CFAP221: variants seen among roughly 807,000 people sequenced by gnomAD.
CFAP221 encodes cilia and flagella associated protein 221.
Under a neutral mutation model 113.1 loss-of-function variants are expected in CFAP221, and 97 were observed. The observed-to-expected ratio is 0.86, with a 90% confidence interval of 0.73 to 1.02. The LOEUF (loss-of-function observed/expected upper bound fraction) is 1.02, where lower values mean the gene tolerates loss of function less well. Among genes scored for constraint, CFAP221 ranks in the 50% least tolerant of loss-of-function variants. The probability of loss-of-function intolerance (pLI) is 0.00; values close to 1 mark genes in which losing one functional copy is unlikely to be tolerated. For synonymous variants in CFAP221, 331 were observed against 354.4 expected (o/e 0.93, Z 0.74); for missense variants, 1,025 against 1,013.4 (o/e 1.01, Z -0.16).
chr2:119,643,084 C>T (rs1687593276), intron 21 of CFAP221, among the ~76,000 whole-genome samples: 1 of 152,164 alleles, frequency 6.6e-6, no homozygotes, highest in South Asian at 2.1e-4. Flanking sequence ...AGCCACTGCA[C>T]CTGGCCTGGG....
chr2:119,652,156 G>A, intron 23 of CFAP221, 87 bp downstream of exon 23: 1 of 982,416 alleles, frequency 1.0e-6, no homozygotes, highest in Non-Finnish European at 1.5e-6. Context: ...TGTTGTCTGA[G>A]TCTAAATAGC....
Position 119,554,903 on chromosome 2 carries a change from A to C in CFAP221, c.241-4786A>C, listed in dbSNP as rs187408418. 1.2e-3 allele frequency among the ~76,000 whole-genome samples: 181 copies of C among 152,230 alleles called. 1 individual carries two copies. Among genetic ancestry groups the C allele is most frequent in the African/African-American group, 4.0e-3 (168 of 41,540 alleles). ...CTTCTTTGAGAAGCTGTGTCACTGA[A>C]CTTGCAGGCCAAAGTGTTGTGTTTG... On this transcript the variant is annotated intron_variant, in intron 3 of 23. Coordinates refer to ENST00000413369, the MANE Select transcript of CFAP221 (RefSeq NM_001271049.2).
chr2:119,560,369 T>A (rs985984251), intron 5 of CFAP221, among the ~76,000 whole-genome samples: 3 of 152,230 alleles, frequency 2.0e-5, no homozygotes, highest in Non-Finnish European at 4.4e-5. Flanking sequence ...CCTTAAATGC[T>A]AGGTTGAAAA....
chr2:119,619,822 A>T (rs550433913), intron 14 of CFAP221, among the ~76,000 whole-genome samples: 301 of 152,316 alleles, frequency 2.0e-3, no homozygotes, highest in African/African-American at 6.9e-3. Flanking sequence ...CAACCCAATG[A>T]AAGAAAGCTA....
At position 119,608,554 on chromosome 2, in the gene CFAP221, A is replaced by G. The variant is rs755622064; in HGVS notation, c.1186A>G (p.Thr396Ala). ...GTCTTTTAAACTTAAAAAAGAGCTTACTGAAGAGTGGCAAAAAGCATGTGC... is the reference window on the plus strand; with the variant it reads ...GTCTTTTAAACTTAAAAAAGAGCTTGCTGAAGAGTGGCAAAAAGCATGTGC... ...PMSFKLKKEL[T>A]EEWQKACAKY... The change falls in exon 12 of 24, where the codon ACT (threonine) becomes GCT (alanine). Residue 396 changes from threonine (T) to alanine (A), a missense_variant. Transcript: ENST00000413369. 6.2e-7 allele frequency: 1 copy of G among 1,613,238 alleles called. No individual in the cohort carries two copies. The highest frequency in any genetic ancestry group is 1.3e-5 in the African/African-American group (1 of 74,742).
intron 22 of CFAP221, among the ~76,000 whole-genome samples, chr2:119,651,272 C>T (rs1339664045): frequency 2.0e-5 from 3 of 152,102 alleles, no homozygotes; most frequent in African/African-American, 7.2e-5. Flanking sequence ...GACTATAGCT[C>T]GGAACCAAAT....
intron 23 of CFAP221, among the ~76,000 whole-genome samples, chr2:119,653,368 A>C (rs1688241972): frequency 6.6e-6 from 1 of 152,214 alleles, no homozygotes; most frequent in Admixed American, 6.5e-5. Flanking sequence ...TGACAAGAGC[A>C]AAACTCCATC....
intron 12 of CFAP221, among the ~76,000 whole-genome samples, chr2:119,610,292 G>T (rs1685061650): frequency 6.6e-6 from 1 of 152,106 alleles, no homozygotes; most frequent in Non-Finnish European, 1.5e-5. Context: ...TGTGTCCAGG[G>T]GATTTTATCT....
chr2:119,655,213 G>A (rs2104825282), intron 23 of CFAP221, among the ~76,000 whole-genome samples: 2 of 152,292 alleles, frequency 1.3e-5, no homozygotes, highest in South Asian at 2.1e-4. Context: ...CCTGGACAGC[G>A]GTCTTGGCCC....
At position 119,640,533 on chromosome 2, in the gene CFAP221, C is replaced by T. The variant is rs185412477; in HGVS notation, c.2225+661C>T. On this transcript the variant is annotated intron_variant, in intron 21 of 23. Coordinates refer to ENST00000413369, the MANE Select transcript of CFAP221 (RefSeq NM_001271049.2). Reference sequence around the variant, plus strand: ...GACTCTGCCTGGCCAATCGCTGACTCCTGAGCCCTTGAATTCGCTTCTTCA... The same window carrying T: ...GACTCTGCCTGGCCAATCGCTGACTTCTGAGCCCTTGAATTCGCTTCTTCA... Among the ~76,000 whole-genome samples the T allele has an allele frequency of 4.6e-5, 7 of 152,332 alleles. No homozygotes were observed. The East Asian group carries it at 1.3e-3, about 29-fold the overall frequency.
chr2:119,558,179 G>T (rs1158820254), intron 3 of CFAP221, among the ~76,000 whole-genome samples: 1 of 152,160 alleles, frequency 6.6e-6, no homozygotes, highest in Non-Finnish European at 1.5e-5. Flanking sequence ...CCAATGAGAA[G>T]CATGGGGACA....
chr2:119,611,550 G>T, intron 12 of CFAP221, 103 bp from the exon 13 acceptor site: 1 of 918,114 alleles, frequency 1.1e-6, no homozygotes, highest in Non-Finnish European at 1.7e-6. Context: ...GAACGTCGTG[G>T]GTGGATTTGG....
chr2:119,568,354 G>T (rs983210802), intron 6 of CFAP221, among the ~76,000 whole-genome samples: 1 of 151,750 alleles, frequency 6.6e-6, no homozygotes. Context: ...TTAAGTTCTG[G>T]GATACATGTG....
Position 119,639,890 on chromosome 2 carries a change from G to C in CFAP221, c.2225+18G>C. On this transcript the variant is annotated intron_variant, in intron 21 of 23. Coordinates refer to ENST00000413369, the MANE Select transcript of CFAP221 (RefSeq NM_001271049.2). ...ACAAAGAGGTAAGCACAGCTCATCT[G>C]TTTGCTCACGAGTATGTGTGCCCCA... 1 of 1,601,448 alleles carries C rather than the reference G, an allele frequency of 6.2e-7. No homozygotes were observed. The highest frequency in any genetic ancestry group is 2.2e-5 in the East Asian group (1 of 44,804).
downstream of CFAP221, among the ~76,000 whole-genome samples, chr2:119,659,781 TCCTTCTCA>T (rs1331321432): frequency 6.6e-6 from 1 of 152,228 alleles, no homozygotes; most frequent in Non-Finnish European, 1.5e-5. Context: ...TTGCTTAGTG[TCCTTCTCA>T]CCTAAGGTTT....
chr2:119,628,334 T>TGTGTGC (rs1553491008), intron 16 of CFAP221, among the ~76,000 whole-genome samples: 11 of 151,890 alleles, frequency 7.2e-5, no homozygotes, highest in African/African-American at 2.7e-4. Flanking sequence ...TGTGTGTGTG[T>TGTGTGC]ATCTTTCTCT....
intron 6 of CFAP221, among the ~76,000 whole-genome samples, chr2:119,562,394 G>A (rs1681319198): frequency 6.6e-6 from 1 of 152,156 alleles, no homozygotes; most frequent in South Asian, 2.1e-4. Flanking sequence ...TTTAAATCCG[G>A]TTGCAGGAGC....
intron 11 of CFAP221, among the ~76,000 whole-genome samples, chr2:119,605,773 T>A (rs1684709083): frequency 6.6e-6 from 1 of 152,202 alleles, no homozygotes; most frequent in African/African-American, 2.4e-5. Context: ...TCACAATTTT[T>A]TTTTTACCAG....
At chr2:119,615,504 A>G in intron 13 of CFAP221, 107 bp from the exon 14 acceptor site, 1 of 844,846 alleles carries the variant, frequency 1.2e-6, no homozygotes, top group Non-Finnish European at 1.8e-6. Flanking sequence ...AATACAACAA[A>G]TAAATAACAA....
Sources: allele counts gnomAD v4.1 joint callset (sites outside exome capture counted in the v4.1 genomes callset), GRCh38; gene constraint gnomAD v4.1.1; transcripts MANE v1.5; gene names NCBI Gene and HGNC (gene_info 2026-07-23, HGNC 2026-07-21).